The following ELOVL7 variants were observed in gnomAD, a reference collection of about 807,000 sequenced individuals.
ELOVL7 encodes the protein ELOVL fatty acid elongase 7.
Under a neutral mutation model 35.7 loss-of-function variants are expected in ELOVL7, and 27 were observed. That is an observed-to-expected ratio of 0.76 (90% CI 0.56 to 1.04). The LOEUF (loss-of-function observed/expected upper bound fraction) is 1.04, where lower values mean the gene tolerates loss of function less well. Among genes scored for constraint, ELOVL7 ranks in the 50% least tolerant of loss-of-function variants. The probability of loss-of-function intolerance (pLI) is 0.00; values close to 1 mark genes in which losing one functional copy is unlikely to be tolerated. For synonymous variants in ELOVL7, 113 were observed against 114.6 expected, an observed-to-expected ratio of 0.99 and a Z score of 0.09; for missense variants, 327 against 340.8, an observed-to-expected ratio of 0.96 and a Z score of 0.32.
intron 8 of ELOVL7, among the ~76,000 whole-genome samples, chr5:60,757,045 A>T (rs1741578309): frequency 6.6e-6 from 1 of 152,024 alleles, no homozygotes; most frequent in African/African-American, 2.4e-5. Context: ...CTAACCCTCT[A>T]CGTTTTTAAT....
At chr5:60,813,382 T>C (rs1384529008) in intron 1 of ELOVL7, among the ~76,000 whole-genome samples, 1 of 152,180 alleles carries the variant, frequency 6.6e-6, no homozygotes, top group Non-Finnish European at 1.5e-5. Context: ...ATCCCTTAAA[T>C]CTACGCTTAG....
intron 1 of ELOVL7, among the ~76,000 whole-genome samples, chr5:60,810,917 G>C (rs997682155): frequency 2.0e-5 from 3 of 152,094 alleles, no homozygotes; most frequent in African/African-American, 7.2e-5. Context: ...TCTCATAGCT[G>C]TACTGGGCAG....
chr5:60,805,639 T>A (rs1303977323), intron 1 of ELOVL7, among the ~76,000 whole-genome samples: 1 of 152,040 alleles, frequency 6.6e-6, no homozygotes, highest in Non-Finnish European at 1.5e-5. Context: ...TTGGGAAGGA[T>A]CCAGCATAAG....
chr5:60,820,287 T>C (rs1745808651), intron 1 of ELOVL7, among the ~76,000 whole-genome samples: 1 of 152,214 alleles, frequency 6.6e-6, no homozygotes, highest in African/African-American at 2.4e-5. Context: ...AACACCTTAA[T>C]TGGGCCTTGT....
chr5:60,796,274 T>TA (rs1744255722), intron 2 of ELOVL7, among the ~76,000 whole-genome samples: 1 of 152,232 alleles, frequency 6.6e-6, no homozygotes, highest in South Asian at 2.1e-4. Flanking sequence ...AAAGAGGCTG[T>TA]GAGGCTGGAG....
Position 60,751,997 on chromosome 5 carries a change from T to C in ELOVL7, c.*2627A>G, listed in dbSNP as rs1041152839. On this transcript the variant is annotated 3_prime_UTR_variant, in exon 9 of 9. Coordinates refer to ENST00000508821, the MANE Select transcript of ELOVL7 (RefSeq NM_024930.3). The stretch of plus-strand genomic sequence containing the variant: ...TCTATATTTGTATTTATTTATAATA[T>C]AGATATAGGCCCTCAAGGATTCATA... 1 of 152,184 alleles carries C rather than the reference T, an allele frequency of 6.6e-6. No individual in the cohort carries two copies. Among genetic ancestry groups the C allele is most frequent in the Non-Finnish European group, 1.5e-5 (1 of 68,032 alleles). The allele number at this position is 152,184 out of a possible 1,614,324, so 9.4% of individuals were successfully genotyped here. A position where few individuals can be genotyped will look rare whatever the true frequency, so the allele number is the denominator to read the frequency against.
intron 1 of ELOVL7, among the ~76,000 whole-genome samples, chr5:60,800,507 A>C (rs1744543207): frequency 6.6e-6 from 1 of 152,252 alleles, no homozygotes; most frequent in Admixed American, 6.5e-5. Flanking sequence ...ATAAAAAGCT[A>C]ACATAATACT....
intron 4 of ELOVL7, among the ~76,000 whole-genome samples, chr5:60,771,094 GTGGGCCCATAT>G (rs1414888834): frequency 2.6e-5 from 4 of 152,194 alleles, no homozygotes; most frequent in African/African-American, 9.7e-5. Flanking sequence ...GGAGAGGTCA[GTGGGCCCATAT>G]TGGGCCCTCG....
At chr5:60,776,954 T>A (rs775942977) in intron 3 of ELOVL7, among the ~76,000 whole-genome samples, 10 of 151,976 alleles carry the variant, frequency 6.6e-5, no homozygotes, top group Non-Finnish European at 1.2e-4. Context: ...AATATAAAAA[T>A]TTATAATTGG....
At chr5:60,807,950 G>C (rs1402447140) in intron 1 of ELOVL7, among the ~76,000 whole-genome samples, 1 of 115,376 alleles carries the variant, frequency 8.7e-6, no homozygotes, top group African/African-American at 3.3e-5. Flanking sequence ...AGTGAGCCGA[G>C]ATCATGCCAC....
chr5:60,784,079 T>C (rs1277160739), intron 3 of ELOVL7: 3 of 1,152,888 alleles, frequency 2.6e-6, no homozygotes, highest in African/African-American at 1.5e-5. Context: ...ATAGGGAAAG[T>C]AGAATGCCAC....
chr5:60,817,856 AT>A (rs1745623404), intron 1 of ELOVL7, among the ~76,000 whole-genome samples: 1 of 147,294 alleles, frequency 6.8e-6, no homozygotes, highest in Non-Finnish European at 1.5e-5. Flanking sequence ...GTGTATATAT[AT>A]ATATATATAT....
chr5:60,780,177 C>T (rs187759442), intron 3 of ELOVL7, among the ~76,000 whole-genome samples: 1 of 143,562 alleles, frequency 7.0e-6, no homozygotes, highest in African/African-American at 2.6e-5. Context: ...TGGAGTGCAA[C>T]GGTACGATCT....
At chr5:60,819,690 G>T (rs555034510) in intron 1 of ELOVL7, among the ~76,000 whole-genome samples, 3 of 152,280 alleles carry the variant, frequency 2.0e-5, no homozygotes, top group African/African-American at 4.8e-5. Context: ...GGAGGCTGAG[G>T]CACGAGAATC....
chr5:60,760,028 C>T (rs148315707), intron 7 of ELOVL7, among the ~76,000 whole-genome samples: 15,531 of 152,190 alleles, frequency 0.1, 868 homozygotes, highest in Non-Finnish European at 0.13. Context: ...TTTCCTAATC[C>T]AGTCTATCAT....
At chr5:60,827,367 AAAC>A (rs1459388530) in intron 1 of ELOVL7, among the ~76,000 whole-genome samples, 1 of 152,232 alleles carries the variant, frequency 6.6e-6, no homozygotes. Flanking sequence ...TGGCCCTTTC[AAAC>A]AACAGCTGAA....
intron 1 of ELOVL7, among the ~76,000 whole-genome samples, chr5:60,817,830 ATGTGTG>A (rs1225449225): frequency 4.1e-5 from 6 of 145,220 alleles, no homozygotes; most frequent in African/African-American, 1.0e-4. Context: ...GTGTATATAT[ATGTGTG>A]TGTGTGTGTG....
At chr5:60,784,706 G>T (rs1218058955) in intron 3 of ELOVL7, among the ~76,000 whole-genome samples, 2 of 152,072 alleles carry the variant, frequency 1.3e-5, no homozygotes, top group African/African-American at 4.8e-5. Context: ...GGACTAAGAT[G>T]GCCAAAAATG....
intron 1 of ELOVL7, among the ~76,000 whole-genome samples, chr5:60,803,215 C>G (rs1002706323): frequency 6.6e-6 from 1 of 152,212 alleles, no homozygotes; most frequent in African/African-American, 2.4e-5. Flanking sequence ...ATTTACCATT[C>G]CATCCCATCC....
Sources: gnomAD v4.1 joint callset for allele counts (sites outside exome capture counted in the v4.1 genomes callset) on GRCh38, gnomAD v4.1.1 for gene constraint, MANE v1.5 for transcripts, NCBI Gene and HGNC (gene_info 2026-07-23, HGNC 2026-07-21) for gene names.